Variants in MTUS2 observed in about 807,000 individuals in gnomAD.
The protein encoded by MTUS2 is microtubule-associated tumor suppressor candidate 2.
In MTUS2, 40 loss-of-function variants were observed where a neutral mutation model predicts 114.1. The observed-to-expected ratio is 0.35, with a 90% confidence interval of 0.27 to 0.46. MTUS2 has a LOEUF of 0.46. Ranked by LOEUF, MTUS2 falls within the 20% of genes least tolerant of loss-of-function variation. The pLI is 1.00. For missense variants in MTUS2, 1,679 were observed against 1,705.4 expected (o/e 0.98, Z 0.27); for synonymous variants, 688 against 672.0 (o/e 1.02, Z -0.37).
chr13:29,307,498 T>A (rs1899529740), intron 6 of MTUS2: 2 of 1,258,828 alleles, frequency 1.6e-6, no homozygotes, highest in South Asian at 2.4e-5. Context: ...TGCCAACTTG[T>A]CAGTTGTGGA....
chr13:28,933,167 T>TCACA (rs1881712522), intron 2 of MTUS2, among the ~76,000 whole-genome samples: 1 of 134,782 alleles, frequency 7.4e-6, no homozygotes, highest in Admixed American at 7.2e-5. Flanking sequence ...ACACACAGAT[T>TCACA]GATTGATCTG....
intron 5 of MTUS2, among the ~76,000 whole-genome samples, chr13:29,233,233 G>A (rs200767846): frequency 3.7e-4 from 55 of 147,690 alleles, no homozygotes; most frequent in African/African-American, 5.7e-4. Flanking sequence ...CATTTTTTAA[G>A]AAAAAAAAAA....
intron 5 of MTUS2, among the ~76,000 whole-genome samples, chr13:29,145,880 A>G (rs1425262096): frequency 6.6e-6 from 1 of 152,208 alleles, no homozygotes; most frequent in Non-Finnish European, 1.5e-5. Context: ...AGCACAACCA[A>G]TTCATGGAAG....
intron 8 of MTUS2, among the ~76,000 whole-genome samples, chr13:29,437,776 G>A (rs9579375): frequency 0.031 from 4,702 of 151,996 alleles, 101 homozygotes; most frequent in Middle Eastern, 0.055. Flanking sequence ...GTGAAACCTC[G>A]TCTCTACTAA....
chr13:28,968,138 G>A (rs1346321415), intron 2 of MTUS2, among the ~76,000 whole-genome samples: 2 of 152,056 alleles, frequency 1.3e-5, no homozygotes, highest in Non-Finnish European at 2.9e-5. Context: ...TAGTGATTCT[G>A]ATTTTTTGAG....
intron 5 of MTUS2, among the ~76,000 whole-genome samples, chr13:29,202,643 T>G (rs376294314): frequency 1.1e-3 from 165 of 152,328 alleles, no homozygotes; most frequent in African/African-American, 3.8e-3. Flanking sequence ...TCTTCATGGA[T>G]TATCTACCTT....
intron 1 of MTUS2, among the ~76,000 whole-genome samples, chr13:28,826,558 A>G (rs145432501): frequency 1.3e-5 from 2 of 152,322 alleles, no homozygotes; most frequent in East Asian, 3.9e-4. Flanking sequence ...CACAGTCATT[A>G]TAGATAAGCC....
chr13:29,087,025 G>C (rs1426979627), intron 4 of MTUS2, among the ~76,000 whole-genome samples: 1 of 152,132 alleles, frequency 6.6e-6, no homozygotes, highest in Admixed American at 6.5e-5. Context: ...GGTTTTCTAG[G>C]TATAGAATCA....
chr13:28,878,206 A>AATATAT lies in MTUS2; in HGVS notation c.-243+38365_-243+38370dup, dbSNP rs146866165. On this transcript the variant is annotated intron_variant, in intron 2 of 15. Transcript: ENST00000612955. ...CATTGAGCTTTGTGGCTTAAAAAAG[A>AATATAT]ATATATATATATATGTGTGTGTGTG... 2.2e-3 allele frequency among the ~76,000 whole-genome samples: 326 copies of AATATAT among 149,602 alleles called. 4 individuals carry two copies. Among genetic ancestry groups the AATATAT allele is most frequent in the Middle Eastern group, 0.01 (3 of 292 alleles).
At chr13:28,844,581 T>TTGTTTGTGAGTG (rs1875732872) in intron 2 of MTUS2, among the ~76,000 whole-genome samples, 4 of 61,058 alleles carry the variant, frequency 6.6e-5, no homozygotes, top group Non-Finnish European at 1.4e-4. Context: ...TCTGCAGCAT[T>TTGTTTGTGAGTG]TGTGTGTGAG....
chr13:29,384,128 C>A (rs924156231), intron 8 of MTUS2, among the ~76,000 whole-genome samples: 1 of 152,178 alleles, frequency 6.6e-6, no homozygotes, highest in African/African-American at 2.4e-5. Flanking sequence ...ATAAAATACT[C>A]TATTTCTGTG....
chr13:28,939,444 G>A (rs916748414), intron 2 of MTUS2, among the ~76,000 whole-genome samples: 2 of 152,142 alleles, frequency 1.3e-5, no homozygotes, highest in African/African-American at 4.8e-5. Flanking sequence ...TGTCTCTGGG[G>A]CTGAATTGCT....
At chr13:29,042,829 TA>T (rs1385512893) in intron 4 of MTUS2, among the ~76,000 whole-genome samples, 7 of 152,174 alleles carry the variant, frequency 4.6e-5, no homozygotes. Context: ...GTTTTGTTTC[TA>T]ATCTAGTTTA....
At chr13:28,842,114 T>C (rs967248299) in intron 2 of MTUS2, among the ~76,000 whole-genome samples, 1 of 152,110 alleles carries the variant, frequency 6.6e-6, no homozygotes, top group African/African-American at 2.4e-5. Context: ...ATTCATGAGA[T>C]TTAGTGCAAA....
intron 2 of MTUS2, among the ~76,000 whole-genome samples, chr13:28,997,856 T>C (rs1402408479): frequency 6.6e-6 from 1 of 152,248 alleles, no homozygotes; most frequent in Non-Finnish European, 1.5e-5. Flanking sequence ...TTTGCCAGTC[T>C]GTGCCTTTTA....
chr13:29,060,845 G>T (rs1483788247), intron 4 of MTUS2, among the ~76,000 whole-genome samples: 1 of 132,276 alleles, frequency 7.6e-6, no homozygotes, highest in African/African-American at 2.8e-5. Flanking sequence ...GTGTTGCCCA[G>T]ACTGGAGTGC....
At chr13:29,352,534 C>A (rs1252144254) in intron 7 of MTUS2, among the ~76,000 whole-genome samples, 1 of 152,104 alleles carries the variant, frequency 6.6e-6, no homozygotes, top group East Asian at 1.9e-4. Flanking sequence ...TTCAGTGATC[C>A]CTGGCAACCA....
At chr13:29,256,537 T>A (rs73451230) in intron 5 of MTUS2, among the ~76,000 whole-genome samples, 421 of 152,340 alleles carry the variant, frequency 2.8e-3, no homozygotes, top group African/African-American at 9.4e-3. Flanking sequence ...CGTCACACTT[T>A]CATGTCCTAA....
rs746436871 is a variant in MTUS2, at chr13:29,122,944, C to G, written c.2644+21974C>G. Among the ~76,000 whole-genome samples, 63 of 152,338 alleles carry G rather than the reference C, an allele frequency of 4.1e-4. 1 individual carries two copies. Among genetic ancestry groups the G allele is most frequent in the Middle Eastern group, 6.8e-3 (2 of 294 alleles). On this transcript the variant is annotated intron_variant, in intron 5 of 15. Coordinates refer to ENST00000612955, the MANE Select transcript of MTUS2 (RefSeq NM_001033602.4). ...ACAATTTCTAATGATCAGCCACTAT[C>G]TATATTGTCCCCAGTGCCTAGTTCC...
Sources: gnomAD v4.1 joint callset for allele counts (sites outside exome capture counted in the v4.1 genomes callset) on GRCh38, gnomAD v4.1.1 for gene constraint, MANE v1.5 for transcripts, NCBI Gene and HGNC (gene_info 2026-07-23, HGNC 2026-07-21) for gene names.